The following SUZ12 variants were observed in gnomAD, a reference collection of about 807,000 sequenced individuals.
SUZ12 encodes SUZ12 polycomb repressive complex 2 subunit.
A neutral mutation model predicts 87.3 loss-of-function variants in SUZ12; 17 were observed. The ratio of observed to expected loss-of-function variants is 0.19; its 90% CI spans 0.13 to 0.29. SUZ12 has a LOEUF of 0.29. SUZ12 is among the 10% of genes least tolerant of loss of function. The pLI is 1.00. For synonymous variants in SUZ12, 253 were observed against 312.4 expected (o/e 0.81, Z 2.01); for missense variants, 526 against 912.2 (o/e 0.58, Z 5.45).
intron 15 of SUZ12, among the ~76,000 whole-genome samples, chr17:31,997,833 T>G (rs1910061893): frequency 6.6e-6 from 1 of 152,166 alleles, no homozygotes; most frequent in East Asian, 1.9e-4. Context: ...ATTACCACAA[T>G]TTTTAACCAT....
At chr17:31,946,852 A>G (rs958707807) in intron 3 of SUZ12, among the ~76,000 whole-genome samples, 9 of 152,056 alleles carry the variant, frequency 5.9e-5, no homozygotes, top group African/African-American at 1.7e-4. Context: ...TTAAGTTTCT[A>G]TTTTTTGGGA....
At chr17:31,963,352 A>C (rs75653025) in intron 4 of SUZ12, among the ~76,000 whole-genome samples, 26,445 of 149,662 alleles carry the variant, frequency 0.18, no homozygotes, top group African/African-American at 0.32. Flanking sequence ...CCGTGTTAGC[A>C]AGGATGGTTC....
At chr17:31,991,735 G>A (rs973665284) in intron 10 of SUZ12, among the ~76,000 whole-genome samples, 9 of 151,808 alleles carry the variant, frequency 5.9e-5, no homozygotes, top group Non-Finnish European at 1.3e-4. Flanking sequence ...TTCCCAAGTA[G>A]CTGGGACTAC....
At chr17:31,964,939 G>A (rs769046806) in intron 4 of SUZ12, among the ~76,000 whole-genome samples, 3 of 151,850 alleles carry the variant, frequency 2.0e-5, no homozygotes, top group Admixed American at 2.0e-4. Flanking sequence ...CCAAGATTGC[G>A]CCATTGCACT....
At chr17:31,968,904 A>G (rs1908252345) in intron 5 of SUZ12, among the ~76,000 whole-genome samples, 4 of 152,370 alleles carry the variant, frequency 2.6e-5, no homozygotes, top group Middle Eastern at 3.4e-3. Flanking sequence ...GACAAAATAT[A>G]TAAAGTTCAA....
At chr17:31,993,744 G>T in intron 11 of SUZ12, 121 bp from the exon 12 acceptor site, 1 of 1,058,946 alleles carries the variant, frequency 9.4e-7, no homozygotes, top group Non-Finnish European at 1.3e-6. Flanking sequence ...TAATTAAAGA[G>T]AATATCTCTA....
intron 3 of SUZ12, among the ~76,000 whole-genome samples, chr17:31,944,593 A>G (rs1188717585): frequency 3.9e-5 from 6 of 151,978 alleles, no homozygotes; most frequent in Non-Finnish European, 5.9e-5. Flanking sequence ...AAAAAAAAAA[A>G]GTCTGGGGAA....
At chr17:31,961,568 G>C (rs1173663339) in intron 4 of SUZ12, among the ~76,000 whole-genome samples, 1 of 152,072 alleles carries the variant, frequency 6.6e-6, no homozygotes, top group African/African-American at 2.4e-5. Flanking sequence ...AAAAAAAGCT[G>C]GTTATACAGG....
chr17:31,971,985 A>G (rs1908458188), intron 5 of SUZ12, among the ~76,000 whole-genome samples: 1 of 151,504 alleles, frequency 6.6e-6, no homozygotes, highest in Non-Finnish European at 1.5e-5. Flanking sequence ...TTCAAATTAG[A>G]AATATTCAGT....
At chr17:31,950,966 G>T (rs1489063351) in intron 4 of SUZ12, among the ~76,000 whole-genome samples, 2 of 152,036 alleles carry the variant, frequency 1.3e-5, no homozygotes, top group African/African-American at 4.8e-5. Context: ...ATTTTTAGTA[G>T]AGACGGGGTT....
intron 4 of SUZ12, among the ~76,000 whole-genome samples, chr17:31,947,917 T>C (rs1906728193): frequency 6.6e-6 from 1 of 152,176 alleles, no homozygotes; most frequent in Non-Finnish European, 1.5e-5. Flanking sequence ...TTATTGTTTA[T>C]CTTTATTACC....
intron 4 of SUZ12, among the ~76,000 whole-genome samples, chr17:31,958,355 G>T (rs1314066446): frequency 1.3e-5 from 2 of 152,190 alleles, no homozygotes; most frequent in Non-Finnish European, 2.9e-5. Flanking sequence ...ATTTTTAAGA[G>T]AACTATTGTA....
At chr17:31,939,515 T>A (rs1306611727) in intron 1 of SUZ12, among the ~76,000 whole-genome samples, 1 of 152,006 alleles carries the variant, frequency 6.6e-6, no homozygotes, top group African/African-American at 2.4e-5. Context: ...CTGTTTTGGC[T>A]GACTACAATT....
In SUZ12 at chr17:31,956,780, A is replaced by G. The variant is rs143733819; in HGVS notation, c.455+9095A>G. ...TGTGTGTATATATATGTATATATGT[A>G]TATATATATATTTTTTGGTTTTTTG... On this transcript the variant is annotated intron_variant, in intron 4 of 15. Coordinates refer to ENST00000322652, the MANE Select transcript of SUZ12 (RefSeq NM_015355.4). 5.3e-3 allele frequency among the ~76,000 whole-genome samples: 795 copies of G among 151,426 alleles called. 6 individuals are homozygous for G. The highest frequency in any genetic ancestry group is 0.018 in the African/African-American group (734 of 41,352).
chr17:31,941,659 C>T (rs1906294176), intron 3 of SUZ12, among the ~76,000 whole-genome samples: 1 of 151,542 alleles, frequency 6.6e-6, no homozygotes, highest in African/African-American at 2.4e-5. Context: ...AAGAGATTCT[C>T]CTCCTTCAGC....
At chr17:31,948,309 A>G (rs541801564) in intron 4 of SUZ12, among the ~76,000 whole-genome samples, 4 of 152,258 alleles carry the variant, frequency 2.6e-5, no homozygotes, top group Non-Finnish European at 5.9e-5. Flanking sequence ...GTATGCTTCT[A>G]TTTATTTTTT....
chr17:31,998,938 G>T lies in SUZ12; in HGVS notation c.2155G>T (p.Glu719Ter), dbSNP rs770185113. ...TGGATTTAGTGAAATTAACTCAAAA[G>T]AGAAAGCTTTGGAAACAGATAGTGT... ...ANGFSEINSK[E>*]KALETDSVSG... Residue 719 changes from glutamate (E) to a stop codon, truncating the protein, a stop_gained, in exon 16 of 16, where the codon GAG becomes TAG. Coordinates refer to ENST00000322652, the MANE Select transcript of SUZ12 (RefSeq NM_015355.4). LOFTEE classifies it high-confidence loss of function. 6.2e-7 allele frequency: 1 copy of T among 1,608,694 alleles called. No individual in the cohort carries two copies. Among genetic ancestry groups the T allele is most frequent in the East Asian group, 2.2e-5 (1 of 44,814 alleles).
intron 9 of SUZ12, 94 bp downstream of exon 9, chr17:31,983,198 T>C (rs1909209980): frequency 7.9e-7 from 1 of 1,268,948 alleles, no homozygotes. Context: ...ATGTTGGAAG[T>C]AGAGTCCTTT....
intron 3 of SUZ12, among the ~76,000 whole-genome samples, chr17:31,941,041 G>A (rs1215365578): frequency 6.6e-6 from 1 of 151,838 alleles, no homozygotes; most frequent in Non-Finnish European, 1.5e-5. Flanking sequence ...GATTTTAGTA[G>A]TGAAGTGAAT....
Sources: allele counts gnomAD v4.1 joint callset (sites outside exome capture counted in the v4.1 genomes callset), GRCh38; gene constraint gnomAD v4.1.1; transcripts MANE v1.5; gene names NCBI Gene and HGNC (gene_info 2026-07-23, HGNC 2026-07-21).